The following BCKDHB variants were observed in gnomAD, a reference collection of about 807,000 sequenced individuals.
BCKDHB encodes the protein branched chain keto acid dehydrogenase E1 subunit beta.
BCKDHB carries 41 observed loss-of-function variants against 48.5 expected under a neutral mutation model. The ratio of observed to expected loss-of-function variants is 0.85; its 90% CI spans 0.66 to 1.10. The LOEUF is 1.10. Ranked by LOEUF, BCKDHB falls within the 50% of genes least tolerant of loss-of-function variation. BCKDHB has a pLI of 0.00. For synonymous variants in BCKDHB, 201 were observed against 174.8 expected, an observed-to-expected ratio of 1.15 and a Z score of -1.18; for missense variants, 496 against 494.2, an observed-to-expected ratio of 1.00 and a Z score of -0.03.
intron 9 of BCKDHB, among the ~76,000 whole-genome samples, chr6:80,294,383 AAATC>A (rs1198528329): frequency 3.9e-5 from 6 of 152,352 alleles, no homozygotes; most frequent in Middle Eastern, 3.4e-3. Flanking sequence ...GAACAATATG[AAATC>A]AGTGCACCTT....
At chr6:80,282,706 A>G (rs1766401092) in intron 9 of BCKDHB, among the ~76,000 whole-genome samples, 1 of 152,068 alleles carries the variant, frequency 6.6e-6, no homozygotes, top group South Asian at 2.1e-4. Flanking sequence ...AAAACTTTAT[A>G]TATACATACA....
chr6:80,277,658 GTT>G (rs35644465), intron 9 of BCKDHB, among the ~76,000 whole-genome samples: 96 of 138,524 alleles, frequency 6.9e-4, no homozygotes, highest in Admixed American at 1.2e-3. Context: ...TAAGATTTGA[GTT>G]TTTTTTTTTT....
chr6:80,402,201 G>C, the BCKDHB span, among the ~76,000 whole-genome samples: 1 of 151,392 alleles, frequency 6.6e-6, no homozygotes, highest in Non-Finnish European at 1.5e-5. Context: ...ATACTTTTTT[G>C]CATGATGCTT....
chr6:80,120,685 C>A (rs1769960873), intron 1 of BCKDHB, among the ~76,000 whole-genome samples: 1 of 152,160 alleles, frequency 6.6e-6, no homozygotes, highest in Non-Finnish European at 1.5e-5. Context: ...TGTTCATATT[C>A]TTTGCCCACT....
intron 8 of BCKDHB, among the ~76,000 whole-genome samples, chr6:80,224,694 C>G (rs995813056): frequency 6.6e-6 from 1 of 152,148 alleles, no homozygotes; most frequent in Non-Finnish European, 1.5e-5. Context: ...GCCACTGTGC[C>G]AGACCCCCAA....
Position 80,230,025 on chromosome 6 carries a change from TG to T in BCKDHB, c.951+26814del, listed in dbSNP as rs375696920. Among the ~76,000 whole-genome samples, 185 of 69,360 alleles carry T rather than the reference TG, an allele frequency of 2.7e-3. 7 individuals are homozygous for T. The highest frequency in any genetic ancestry group is 0.017 in the South Asian group (36 of 2,158). The allele number at this position is 69,360 out of a possible 152,430, so 45.5% of individuals were successfully genotyped here. ...TTGAATTCCAAAGGGGTTTTTAGGT[TG>T]TTTTTTTTTTTTTTTTTTTTTTTTT... is the stretch of plus-strand genomic sequence containing the variant. On this transcript the variant is annotated intron_variant, in intron 8 of 9. Coordinates refer to ENST00000320393, the MANE Select transcript of BCKDHB (RefSeq NM_183050.4).
At chr6:80,283,406 C>G (rs1766466620) in intron 9 of BCKDHB, among the ~76,000 whole-genome samples, 1 of 152,054 alleles carries the variant, frequency 6.6e-6, no homozygotes, top group Non-Finnish European at 1.5e-5. Context: ...TTCTCTCATG[C>G]AATTCTTGGT....
chr6:80,126,655 G>A (rs1249693676), intron 1 of BCKDHB, among the ~76,000 whole-genome samples: 3 of 152,142 alleles, frequency 2.0e-5, no homozygotes, highest in Admixed American at 6.5e-5. Flanking sequence ...GGCTGAAGCC[G>A]TTCTGTGCTC....
At chr6:80,200,798 T>C in intron 6 of BCKDHB, 136 bp from the exon 7 acceptor site, 3 of 690,174 alleles carry the variant, frequency 4.3e-6, no homozygotes, top group Non-Finnish European at 7.5e-6. Context: ...ATGCTATTTC[T>C]GTTTTAAGTA....
At chr6:80,332,509 C>A (rs549699614) in intron 9 of BCKDHB, among the ~76,000 whole-genome samples, 1 of 151,952 alleles carries the variant, frequency 6.6e-6, no homozygotes, top group East Asian at 1.9e-4. Context: ...TTTTATATTC[C>A]AGTTTAAGTT....
chr6:80,407,569 C>G, the BCKDHB span, among the ~76,000 whole-genome samples: 1 of 152,172 alleles, frequency 6.6e-6, no homozygotes, highest in Non-Finnish European at 1.5e-5. Flanking sequence ...ATGTCCTTCA[C>G]AATTCTTGTA....
chr6:80,332,614 A>G (rs1349591191), intron 9 of BCKDHB, among the ~76,000 whole-genome samples: 1 of 152,062 alleles, frequency 6.6e-6, no homozygotes, highest in Non-Finnish European at 1.5e-5. Flanking sequence ...TTAGTTACCT[A>G]AATTTGTCTA....
Position 80,106,819 on chromosome 6 carries a change from C to A in BCKDHB, c.126C>A (p.Val42=). Residue 42 remains valine, a synonymous_variant, in exon 1 of 10, where the codon GTC becomes GTA. Transcript: ENST00000320393. The part of the protein sequence containing the change: ...ARGFLHPAAT[V]EDAAQRRQVA... ...GCTTTTTGCACCCCGCCGCGACTGT[C>A]GAGGATGCGGCCCAGAGGCGGCAGG... is the stretch of plus-strand genomic sequence containing the variant. 3 of 1,609,414 alleles carry A rather than the reference C, an allele frequency of 1.9e-6. No individual in the cohort carries two copies. The highest frequency in any genetic ancestry group is 1.1e-5 in the South Asian group (1 of 90,330).
At chr6:80,318,518 C>T (rs754954909) in intron 9 of BCKDHB, among the ~76,000 whole-genome samples, 1 of 151,930 alleles carries the variant, frequency 6.6e-6, no homozygotes, top group Non-Finnish European at 1.5e-5. Context: ...GAAACCCCAT[C>T]TACTAAAAAT....
intron 3 of BCKDHB, among the ~76,000 whole-genome samples, chr6:80,142,642 T>A (rs1300917214): frequency 6.6e-6 from 1 of 152,122 alleles, no homozygotes; most frequent in Non-Finnish European, 1.5e-5. Context: ...TGCTTTTGAT[T>A]ACCATGCTGC....
At chr6:80,161,656 A>C (rs1358383895) in intron 3 of BCKDHB, among the ~76,000 whole-genome samples, 3 of 152,130 alleles carry the variant, frequency 2.0e-5, no homozygotes, top group African/African-American at 7.2e-5. Flanking sequence ...CAGTGTCCAC[A>C]TGGATGGTCT....
chr6:80,405,338 A>G, the BCKDHB span, among the ~76,000 whole-genome samples: 2 of 152,100 alleles, frequency 1.3e-5, no homozygotes, highest in Non-Finnish European at 2.9e-5. Flanking sequence ...TTTGTCTTAT[A>G]TAAGTATAGT....
the BCKDHB span, among the ~76,000 whole-genome samples, chr6:80,385,399 G>A: frequency 6.6e-5 from 10 of 152,294 alleles, no homozygotes; most frequent in East Asian, 1.7e-3. Flanking sequence ...GAAAATAATG[G>A]GACCCTGCAA....
At chr6:80,365,560 A>T in the BCKDHB span, among the ~76,000 whole-genome samples, 2 of 152,148 alleles carry the variant, frequency 1.3e-5, no homozygotes, top group African/African-American at 4.8e-5. Context: ...CTGACCCCTC[A>T]GGCAGTCAGA....
Sources: allele counts gnomAD v4.1 joint callset (sites outside exome capture counted in the v4.1 genomes callset), GRCh38; gene constraint gnomAD v4.1.1; transcripts MANE v1.5; gene names NCBI Gene and HGNC (gene_info 2026-07-23, HGNC 2026-07-21).